PDE11A: variants seen among roughly 807,000 people sequenced by gnomAD.
PDE11A encodes dual 3',5'-cyclic-AMP and -GMP phosphodiesterase 11A.
A neutral mutation model predicts 100.5 loss-of-function variants in PDE11A; 100 were observed. That is an observed-to-expected ratio of 1.00 (90% CI 0.85 to 1.18). The LOEUF is 1.18. PDE11A is among the 50% of genes most tolerant of loss of function. PDE11A has a pLI of 0.00. For synonymous variants in PDE11A, 381 were observed against 420.8 expected (o/e 0.91, Z 1.16); for missense variants, 1,141 against 1,152.6 (o/e 0.99, Z 0.15).
At chr2:177,700,520 G>A (rs2081181916) in intron 14 of PDE11A, among the ~76,000 whole-genome samples, 1 of 152,072 alleles carries the variant, frequency 6.6e-6, no homozygotes, top group Non-Finnish European at 1.5e-5. Context: ...TCTCTGTGGA[G>A]AGCTAAAAGT....
intron 19 of PDE11A, among the ~76,000 whole-genome samples, chr2:177,631,322 A>AACAAAAAAC (rs1469522170): frequency 5.9e-5 from 1 of 16,862 alleles, no homozygotes; most frequent in African/African-American, 9.2e-5. Context: ...AAAAAAAAAA[A>AACAAAAAAC]CAACCTAGGC....
intron 10 of PDE11A, among the ~76,000 whole-genome samples, chr2:177,759,940 AC>A (rs1229897797): frequency 6.6e-6 from 1 of 152,176 alleles, no homozygotes; most frequent in African/African-American, 2.4e-5. Context: ...TGCTTATTTG[AC>A]CCCCAAAATG....
intron 12 of PDE11A, among the ~76,000 whole-genome samples, chr2:177,716,573 G>A (rs998437170): frequency 6.6e-6 from 1 of 152,068 alleles, no homozygotes; most frequent in Non-Finnish European, 1.5e-5. Flanking sequence ...AATGTATTTT[G>A]TTGTCATCTC....
Position 177,627,708 on chromosome 2 carries a change from T to G in PDE11A, c.*1699A>C, listed in dbSNP as rs1008816623. 6.6e-6 allele frequency: 1 copy of G among 152,134 alleles called. No individual in the cohort carries two copies. Among genetic ancestry groups the G allele is most frequent in the Non-Finnish European group, 1.5e-5 (1 of 68,028 alleles). The allele number at this position is 152,134 out of a possible 1,614,324, so 9.4% of individuals were successfully genotyped here. On this transcript the variant is annotated 3_prime_UTR_variant, in exon 20 of 20. Transcript: ENST00000286063. Reference sequence around the variant, plus strand: ...TAAAAGTACAAAAATTAGCCAGGCGTGGTGGCAGGCACCTGTAATCCCAGC... The same window carrying G: ...TAAAAGTACAAAAATTAGCCAGGCGGGGTGGCAGGCACCTGTAATCCCAGC...
chr2:177,718,292 G>A (rs2081473443), intron 12 of PDE11A, among the ~76,000 whole-genome samples: 2 of 152,212 alleles, frequency 1.3e-5, no homozygotes, highest in South Asian at 4.1e-4. Context: ...AGTAAGAGAG[G>A]TGGGATAAAA....
At chr2:177,957,475 T>A (rs2085579623) in intron 2 of PDE11A, among the ~76,000 whole-genome samples, 1 of 152,186 alleles carries the variant, frequency 6.6e-6, no homozygotes, top group Admixed American at 6.5e-5. Flanking sequence ...AGAAATGAAA[T>A]CCCATTATGT....
chr2:177,742,968 A>C (rs1199685026), intron 10 of PDE11A, among the ~76,000 whole-genome samples: 1 of 152,210 alleles, frequency 6.6e-6, no homozygotes, highest in African/African-American at 2.4e-5. Flanking sequence ...AAGCGAAATG[A>C]TCAAGCAGCT....
At chr2:177,920,505 T>A (rs2085024492) in intron 2 of PDE11A, among the ~76,000 whole-genome samples, 2 of 152,102 alleles carry the variant, frequency 1.3e-5, no homozygotes, top group Admixed American at 6.5e-5. Context: ...ACAAATATTA[T>A]CATTAAAATT....
chr2:178,067,652 T>A (rs2087065842), intron 1 of PDE11A, among the ~76,000 whole-genome samples: 1 of 152,182 alleles, frequency 6.6e-6, no homozygotes, highest in Non-Finnish European at 1.5e-5. Flanking sequence ...ACAAAGTGAC[T>A]CCATACTTGT....
At chr2:177,782,687 A>G (rs2082470623) in intron 9 of PDE11A, among the ~76,000 whole-genome samples, 1 of 151,994 alleles carries the variant, frequency 6.6e-6, no homozygotes, top group Non-Finnish European at 1.5e-5. Flanking sequence ...AAAAAAATCC[A>G]CTCACATCAA....
At chr2:177,720,131 AC>A (rs2081504633) in intron 12 of PDE11A, among the ~76,000 whole-genome samples, 1 of 151,624 alleles carries the variant, frequency 6.6e-6, no homozygotes, top group Admixed American at 6.6e-5. Context: ...TCTTTTTGAG[AC>A]CCTATTTTAT....
chr2:177,628,834 C>T lies in PDE11A; in HGVS notation c.*573G>A, dbSNP rs1351596843. On this transcript the variant is annotated 3_prime_UTR_variant, in exon 20 of 20. Coordinates refer to ENST00000286063, the MANE Select transcript of PDE11A (RefSeq NM_016953.4). ...TTTTAGGGGGAGAACTGGGATTGAT[C>T]AGTATTTATAAGGATAGTATAGTTT... 6.4e-6 allele frequency: 1 copy of T among 157,282 alleles called. No homozygotes were observed. Among genetic ancestry groups the T allele is most frequent in the Non-Finnish European group, 1.4e-5 (1 of 71,068 alleles). The allele number at this position is 157,282 out of a possible 1,614,324, so 9.7% of individuals were successfully genotyped here. A position where few individuals can be genotyped will look rare whatever the true frequency, so the allele number is the denominator to read the frequency against.
intron 2 of PDE11A, among the ~76,000 whole-genome samples, chr2:177,964,916 T>C (rs912697232): frequency 6.6e-6 from 1 of 152,212 alleles, no homozygotes; most frequent in African/African-American, 2.4e-5. Flanking sequence ...CAAATGATAG[T>C]TCTGTTTTAA....
intron 2 of PDE11A, among the ~76,000 whole-genome samples, chr2:177,920,275 T>G (rs183575868): frequency 5.9e-5 from 9 of 151,348 alleles, no homozygotes; most frequent in African/African-American, 1.7e-4. Context: ...CAAAACACAC[T>G]GGGAAAATTA....
chr2:178,062,077 C>T (rs563731698), intron 1 of PDE11A, among the ~76,000 whole-genome samples: 2 of 152,258 alleles, frequency 1.3e-5, no homozygotes, highest in African/African-American at 4.8e-5. Context: ...GAGGCTGTTC[C>T]TCTTGTTCAT....
At chr2:177,931,316 T>G (rs2085202972) in intron 2 of PDE11A, among the ~76,000 whole-genome samples, 1 of 152,230 alleles carries the variant, frequency 6.6e-6, no homozygotes, top group African/African-American at 2.4e-5. Flanking sequence ...TATATACATT[T>G]TAGCATGGCT....
intron 16 of PDE11A, 94 bp from the exon 17 acceptor site, chr2:177,675,612 G>A: frequency 1.1e-6 from 1 of 922,754 alleles, no homozygotes; most frequent in Non-Finnish European, 1.8e-6. Context: ...AAAATAAAAT[G>A]GAAACGAGGC....
intron 1 of PDE11A, among the ~76,000 whole-genome samples, chr2:178,017,159 C>T (rs1240617549): frequency 6.6e-6 from 1 of 152,200 alleles, no homozygotes; most frequent in African/African-American, 2.4e-5. Context: ...TGCAATTATG[C>T]AGAATATAGA....
intron 18 of PDE11A, among the ~76,000 whole-genome samples, chr2:177,665,309 CAAAAAAAAAA>C (rs9288007): frequency 8.9e-6 from 1 of 112,452 alleles, no homozygotes; most frequent in Non-Finnish European, 1.8e-5. Context: ...CCTGTCCCTA[CAAAAAAAAAA>C]AAAAAAAAAA....
Sources: allele counts gnomAD v4.1 joint callset (sites outside exome capture counted in the v4.1 genomes callset), GRCh38; gene constraint gnomAD v4.1.1; transcripts MANE v1.5; gene names NCBI Gene and HGNC (gene_info 2026-07-23, HGNC 2026-07-21).